MRPS27: variants seen among roughly 807,000 people sequenced by gnomAD.
MRPS27 encodes the protein mitochondrial ribosomal protein S27.
MRPS27 carries 43 observed loss-of-function variants against 48.9 expected under a neutral mutation model. The observed-to-expected ratio is 0.88, with a 90% confidence interval of 0.69 to 1.13. The LOEUF (loss-of-function observed/expected upper bound fraction) is 1.13, where lower values mean the gene tolerates loss of function less well. MRPS27 is among the 50% of genes most tolerant of loss of function. The pLI, the probability that MRPS27 is intolerant of heterozygous loss-of-function variation, is 0.00. For synonymous variants in MRPS27, 188 were observed against 171.9 expected (o/e 1.09, Z -0.73); for missense variants, 467 against 476.3 (o/e 0.98, Z 0.18).
chr5:72,221,317 CCACA>C (rs1328887017), intron 10 of MRPS27, among the ~76,000 whole-genome samples, 169 bp from the exon 11 acceptor site: 1 of 152,178 alleles, frequency 6.6e-6, no homozygotes, highest in Admixed American at 6.5e-5. Context: ...TGCAAAATAA[CCACA>C]CATTTTGCTG....
intron 4 of MRPS27, among the ~76,000 whole-genome samples, chr5:72,253,355 T>A (rs1354687927): frequency 6.6e-6 from 1 of 152,164 alleles, no homozygotes; most frequent in Non-Finnish European, 1.5e-5. Flanking sequence ...TCACAACACT[T>A]CCACAGGCAG....
intron 1 of MRPS27, among the ~76,000 whole-genome samples, chr5:72,316,512 C>G (rs1405804551): frequency 6.6e-6 from 1 of 151,890 alleles, no homozygotes; most frequent in African/African-American, 2.4e-5. Context: ...GGATTACAGG[C>G]GCCTGCCACC....
intron 1 of MRPS27, among the ~76,000 whole-genome samples, chr5:72,315,374 T>C (rs1750538712): frequency 6.6e-6 from 1 of 151,936 alleles, no homozygotes; most frequent in Non-Finnish European, 1.5e-5. Flanking sequence ...CTGGGAAACA[T>C]GGTGAAACCC....
chr5:72,316,627 C>CA (rs777461116), intron 1 of MRPS27, among the ~76,000 whole-genome samples: 1 of 151,856 alleles, frequency 6.6e-6, no homozygotes, highest in Non-Finnish European at 1.5e-5. Context: ...CTTGGCCTCC[C>CA]AAAGTGCTGG....
At chr5:72,292,865 AC>A (rs780319971) in intron 4 of MRPS27, among the ~76,000 whole-genome samples, 12 of 152,098 alleles carry the variant, frequency 7.9e-5, no homozygotes, top group Admixed American at 3.3e-4. Context: ...AGAAATCCTA[AC>A]CCCAGGCCTG....
chr5:72,230,009 C>T (rs2111945187), intron 7 of MRPS27, among the ~76,000 whole-genome samples: 1 of 152,290 alleles, frequency 6.6e-6, no homozygotes, highest in East Asian at 1.9e-4. Context: ...ACTCAGCCTC[C>T]TGAGTAGCTA....
At chr5:72,263,575 A>G (rs1445177288) in intron 4 of MRPS27, among the ~76,000 whole-genome samples, 1 of 151,054 alleles carries the variant, frequency 6.6e-6, no homozygotes, top group South Asian at 2.1e-4. Flanking sequence ...AGACAACCCA[A>G]TTAATAAATG....
chr5:72,276,029 GT>G (rs753015732), intron 4 of MRPS27, among the ~76,000 whole-genome samples: 25 of 145,420 alleles, frequency 1.7e-4, no homozygotes, highest in African/African-American at 5.9e-4. Context: ...ATGTGTGTGT[GT>G]GGGGGGGGTA....
chr5:72,253,980 T>G (rs560200926), intron 4 of MRPS27, among the ~76,000 whole-genome samples: 1 of 152,172 alleles, frequency 6.6e-6, no homozygotes, highest in Non-Finnish European at 1.5e-5. Flanking sequence ...AGTCTCACTA[T>G]GCTATCTAGG....
At chr5:72,268,172 A>C (rs559574037) in intron 4 of MRPS27, among the ~76,000 whole-genome samples, 8 of 152,050 alleles carry the variant, frequency 5.3e-5, no homozygotes, top group Non-Finnish European at 1.2e-4. Flanking sequence ...AAAAAGAAAA[A>C]AAAATTATAA....
chr5:72,293,801 C>T (rs952783873), intron 4 of MRPS27, among the ~76,000 whole-genome samples: 10 of 152,270 alleles, frequency 6.6e-5, no homozygotes, highest in Admixed American at 1.3e-4. Context: ...TTCTAAAAAA[C>T]AGTTTATATT....
chr5:72,247,344 A>G (rs1410742462), intron 4 of MRPS27, among the ~76,000 whole-genome samples: 2 of 152,234 alleles, frequency 1.3e-5, no homozygotes, highest in Non-Finnish European at 2.9e-5. Flanking sequence ...CTACTCATTA[A>G]AACATCAGTC....
intron 4 of MRPS27, among the ~76,000 whole-genome samples, chr5:72,244,067 T>C (rs150479853): frequency 4.2e-4 from 64 of 152,312 alleles, no homozygotes; most frequent in African/African-American, 1.5e-3. Context: ...ATCTATTGGT[T>C]GGTTTATAAT....
intron 5 of MRPS27, 68 bp from the exon 6 acceptor site, chr5:72,234,265 T>C (rs1369777020): frequency 5.1e-5 from 62 of 1,222,686 alleles, no homozygotes; most frequent in Non-Finnish European, 6.4e-5. Context: ...AATATATGCC[T>C]ATGTATTATT....
chr5:72,249,915 C>T lies in MRPS27; in HGVS notation c.282-11787G>A, dbSNP rs553503785. ...AGGAGAATGGAGTGAACCTGGGAGG[C>T]GGAGCTTGCAGTAAGCTGAGATCAC... On this transcript the variant is annotated intron_variant, in intron 4 of 10. Coordinates refer to ENST00000261413, the MANE Select transcript of MRPS27 (RefSeq NM_015084.3). Among the ~76,000 whole-genome samples, 7 of 151,886 alleles carry T rather than the reference C, an allele frequency of 4.6e-5. No homozygotes were observed. In the South Asian group the frequency reaches 6.2e-4, roughly 14 times the overall value.
rs561985501 is a variant in MRPS27, at chr5:72,298,289, C to A, written c.152-587G>T. 3.3e-5 allele frequency among the ~76,000 whole-genome samples: 5 copies of A among 152,296 alleles called. No individual in the cohort carries two copies. In the South Asian group the frequency reaches 1.0e-3, roughly 32 times the overall value. On this transcript the variant is annotated intron_variant, in intron 2 of 10. Transcript: ENST00000261413. ...AACATAGGAAAAAAATGCTCAACAT[C>A]ACTAACCATCAGAGAAATGCAAATA...
At position 72,240,855 on chromosome 5, in the gene MRPS27, T is replaced by C. The variant is rs542397944; in HGVS notation, c.282-2727A>G. Among the ~76,000 whole-genome samples the C allele has an allele frequency of 1.6e-4, 25 of 152,330 alleles. 1 individual carries two copies. Among genetic ancestry groups the C allele is most frequent in the Admixed American group, 4.6e-4 (7 of 15,308 alleles). On this transcript the variant is annotated intron_variant, in intron 4 of 10. Transcript: ENST00000261413. ...GCCTAAAGGGAAAGTTACTCAAGAC[T>C]TCACACATCGAATACAATCATCTCT...
intron 4 of MRPS27, among the ~76,000 whole-genome samples, chr5:72,264,520 G>C (rs565150339): frequency 1.2e-4 from 18 of 152,132 alleles, no homozygotes; most frequent in Non-Finnish European, 2.2e-4. Context: ...TTGGAAATAC[G>C]GTCTTTTGCA....
chr5:72,225,184 T>C (rs908639502), intron 9 of MRPS27, among the ~76,000 whole-genome samples: 1 of 152,192 alleles, frequency 6.6e-6, no homozygotes, highest in Non-Finnish European at 1.5e-5. Context: ...TCCTTTGTTA[T>C]AAACGTCTGG....
Sources: allele counts gnomAD v4.1 joint callset (sites outside exome capture counted in the v4.1 genomes callset), GRCh38; gene constraint gnomAD v4.1.1; transcripts MANE v1.5; gene names NCBI Gene and HGNC (gene_info 2026-07-23, HGNC 2026-07-21).